NDUFA9: variants seen among roughly 807,000 people sequenced by gnomAD.
NDUFA9 encodes NADH:ubiquinone oxidoreductase subunit A9, also known as NADH dehydrogenase [ubiquinone] 1 alpha subcomplex subunit 9, mitochondrial.
In NDUFA9, 23 loss-of-function variants were observed where a neutral mutation model predicts 45.9. The observed-to-expected ratio is 0.50, with a 90% CI of 0.36 to 0.71. The LOEUF (loss-of-function observed/expected upper bound fraction) is 0.71. Among genes scored for constraint, NDUFA9 ranks in the 30% least tolerant of loss-of-function variants. NDUFA9 has a pLI of 0.00. For synonymous variants in NDUFA9, 176 were observed against 170.5 expected, an observed-to-expected ratio of 1.03 and a Z score of -0.25; for missense variants, 466 against 488.2, an observed-to-expected ratio of 0.95 and a Z score of 0.43.
At chr12:4,662,808 C>A (rs1945831239) in intron 6 of NDUFA9, among the ~76,000 whole-genome samples, 173 bp downstream of exon 6, 1 of 152,118 alleles carries the variant, frequency 6.6e-6, no homozygotes, top group Middle Eastern at 3.2e-3. Context: ...TTGTTATATT[C>A]CATATCAAAA....
At chr12:4,682,978 C>G (rs1240342108) in intron 9 of NDUFA9, among the ~76,000 whole-genome samples, 1 of 152,032 alleles carries the variant, frequency 6.6e-6, no homozygotes, top group African/African-American at 2.4e-5. Flanking sequence ...TGGGGTGATG[C>G]AAGAGAATTG....
intron 8 of NDUFA9, among the ~76,000 whole-genome samples, chr12:4,676,113 A>G (rs11524031): frequency 6.6e-6 from 1 of 152,228 alleles, no homozygotes; most frequent in African/African-American, 2.4e-5. Flanking sequence ...AGAACCCTCA[A>G]TAAACTAGGT....
In NDUFA9 at chr12:4,687,158, G is replaced by A. The variant is rs1444412702; in HGVS notation, c.*50G>A. 3 of 1,581,358 alleles carry A rather than the reference G, an allele frequency of 1.9e-6. No homozygotes were observed. Among genetic ancestry groups the A allele is most frequent in the Non-Finnish European group, 2.6e-6 (3 of 1,158,430 alleles). On this transcript the variant is annotated 3_prime_UTR_variant, in exon 11 of 11. Coordinates refer to ENST00000266544, the MANE Select transcript of NDUFA9 (RefSeq NM_005002.5). Reference sequence around the variant, plus strand: ...TGGCGTCTTTTGGGTCGGCCCATGTGGTTTGAGCACCCAGCCAGGCGGTCT... The same window carrying A: ...TGGCGTCTTTTGGGTCGGCCCATGTAGTTTGAGCACCCAGCCAGGCGGTCT...
rs1345674214 is a variant in NDUFA9, at chr12:4,692,695, C to CT, written c.*5588dup. The CT allele has an allele frequency of 6.6e-6, 1 of 152,188 alleles. No individual in the cohort carries two copies. The highest frequency in any genetic ancestry group is 1.5e-5 in the Non-Finnish European group (1 of 68,118). 9.4% of individuals were successfully genotyped at this position (152,188 alleles called of 1,614,324 possible). A position where few individuals can be genotyped will look rare whatever the true frequency, so the allele number is the denominator to read the frequency against. On this transcript the variant is annotated 3_prime_UTR_variant, in exon 11 of 11. Coordinates refer to ENST00000266544, the MANE Select transcript of NDUFA9 (RefSeq NM_005002.5). ...AGAGGGAGGGTATAACTTGTGGTGC[C>CT]TAGCCCTAGAGGGAATGGAAGGGCC... is the stretch of plus-strand genomic sequence containing the variant.
At position 4,685,317 on chromosome 12, in the gene NDUFA9, G is replaced by A; in HGVS notation, c.955G>A (p.Val319Met). Residue 319 changes from valine to methionine, a missense_variant, in exon 10 of 11, where the codon GTG (valine) becomes ATG (methionine). Val to Met is a conservative substitution (Grantham distance 21). Transcript: ENST00000266544. Reference protein sequence around the residue: ...PFEPWITRDKVERMHITDMKL... With the variant: ...PFEPWITRDKMERMHITDMKL... ...TGAGCCCTGGATAACAAGGGATAAA[G>A]TGGAGCGGGTGAGTACATGTGTGGA... 1 of 1,613,694 alleles carries A rather than the reference G, an allele frequency of 6.2e-7. No homozygotes were observed. The highest frequency in any genetic ancestry group is 8.5e-7 in the Non-Finnish European group (1 of 1,179,572).
intron 6 of NDUFA9, among the ~76,000 whole-genome samples, chr12:4,665,294 C>G (rs1565567706): frequency 6.6e-6 from 1 of 152,162 alleles, no homozygotes; most frequent in African/African-American, 2.4e-5. Context: ...CTTTTGGTTT[C>G]TATGAATTTG....
intron 2 of NDUFA9, 61 bp downstream of exon 2, chr12:4,654,523 A>G: frequency 1.3e-6 from 2 of 1,529,460 alleles, no homozygotes; most frequent in Non-Finnish European, 1.8e-6. Flanking sequence ...GCCTGATGAG[A>G]AGCATGAGCT....
In NDUFA9 at chr12:4,689,159, C is replaced by T. The variant is rs1946004838; in HGVS notation, c.*2051C>T. On this transcript the variant is annotated 3_prime_UTR_variant, in exon 11 of 11. Transcript: ENST00000266544. Reference sequence around the variant, plus strand: ...GAAATGTACAGTAGATTAGTATTAACTCTAGTTACCCTACTGATCTATTGA... The same window carrying T: ...GAAATGTACAGTAGATTAGTATTAATTCTAGTTACCCTACTGATCTATTGA... The T allele has an allele frequency of 6.6e-6, 1 of 152,200 alleles. No individual in the cohort carries two copies. The highest frequency in any genetic ancestry group is 1.5e-5 in the Non-Finnish European group (1 of 68,050). The allele number at this position is 152,200 out of a possible 1,614,324, so 9.4% of individuals were successfully genotyped here. A position where few individuals can be genotyped will look rare whatever the true frequency, so the allele number is the denominator to read the frequency against.
chr12:4,691,069 G>C lies in NDUFA9; in HGVS notation c.*3961G>C, dbSNP rs1230629777. The C allele has an allele frequency of 6.6e-6, 1 of 152,152 alleles. No individual in the cohort carries two copies. Among genetic ancestry groups the C allele is most frequent in the Non-Finnish European group, 1.5e-5 (1 of 68,020 alleles). 9.4% of individuals were successfully genotyped at this position (152,152 alleles called of 1,614,324 possible). ...AGCAGTTGAGTTCCATACAGATTTG[G>C]CTTCGAATATGAGTTCCACTACTTC... On this transcript the variant is annotated 3_prime_UTR_variant, in exon 11 of 11. Coordinates refer to ENST00000266544, the MANE Select transcript of NDUFA9 (RefSeq NM_005002.5).
intron 9 of NDUFA9, 51 bp from the exon 10 acceptor site, chr12:4,685,208 C>T (rs765680265): frequency 1.4e-5 from 21 of 1,492,106 alleles, no homozygotes; most frequent in Middle Eastern, 1.7e-4. Flanking sequence ...TAGCTTACAT[C>T]TTGGGCAGAG....
chr12:4,687,848 T>C lies in NDUFA9; in HGVS notation c.*740T>C, dbSNP rs1945997039. 1 of 152,222 alleles carries C rather than the reference T, an allele frequency of 6.6e-6. No homozygotes were observed. Among genetic ancestry groups the C allele is most frequent in the Non-Finnish European group, 1.5e-5 (1 of 68,048 alleles). 9.4% of individuals were successfully genotyped at this position (152,222 alleles called of 1,614,324 possible). A position where few individuals can be genotyped will look rare whatever the true frequency, so the allele number is the denominator to read the frequency against. On this transcript the variant is annotated 3_prime_UTR_variant, in exon 11 of 11. Transcript: ENST00000266544. ...ACCCAGATGAACATTTGGTTTAGTG[T>C]TGGCAAATCCCACCAGTACAGTGTG...
In NDUFA9 at chr12:4,687,101, A is replaced by G. The variant is rs1191517131; in HGVS notation, c.1127A>G (p.Asn376Ser). 1.9e-6 allele frequency: 3 copies of G among 1,614,058 alleles called. No homozygotes were observed. The highest frequency in any genetic ancestry group is 1.7e-5 in the Admixed American group (1 of 60,006). ...IEDVKPAKTV[N>S]I Reference sequence around the variant, plus strand: ...GATGTGAAGCCGGCCAAGACCGTCAACATTTAGTGCCTCCTGAGCAGCTCT... The same window carrying G: ...GATGTGAAGCCGGCCAAGACCGTCAGCATTTAGTGCCTCCTGAGCAGCTCT... The change falls in exon 11 of 11, where the codon AAC (asparagine) becomes AGC (serine). Residue 376 changes from asparagine (N) to serine (S), a missense_variant. Coordinates refer to ENST00000266544, the MANE Select transcript of NDUFA9 (RefSeq NM_005002.5).
chr12:4,670,429 T>A (rs1945879438), intron 8 of NDUFA9, among the ~76,000 whole-genome samples: 1 of 152,174 alleles, frequency 6.6e-6, no homozygotes, highest in South Asian at 2.1e-4. Context: ...GGTATCAAAT[T>A]CACCTGGTAA....
chr12:4,683,057 G>C (rs1465438112), intron 9 of NDUFA9, among the ~76,000 whole-genome samples: 2 of 151,946 alleles, frequency 1.3e-5, no homozygotes, highest in Non-Finnish European at 2.9e-5. Flanking sequence ...CTAGGTGACT[G>C]CTACTGCGCA....
chr12:4,684,967 CTGTT>C lies in NDUFA9; in HGVS notation c.897-289_897-286del, dbSNP rs370909697. 1.1e-4 allele frequency: 65 copies of C among 592,852 alleles called. No individual in the cohort carries two copies. In the African/African-American group the frequency reaches 1.2e-3, roughly 11 times the overall value. The allele number at this position is 592,852 out of a possible 1,614,324, so 36.7% of individuals were successfully genotyped here. A position where few individuals can be genotyped will look rare whatever the true frequency, so the allele number is the denominator to read the frequency against. ...GACTTGATTAAATACTGGAGTTTTT[CTGTT>C]TGCTTTGTTGTTTGTTGGTTTTATT... On this transcript the variant is annotated intron_variant, in intron 9 of 10. Transcript: ENST00000266544.
At chr12:4,668,677 A>G (rs923680023) in intron 7 of NDUFA9, 153 bp downstream of exon 7, 2 of 673,274 alleles carry the variant, frequency 3.0e-6, no homozygotes, top group Non-Finnish European at 5.2e-6. Context: ...TAAGAGGTAC[A>G]TGCCTTCTCT....
rs962263885 is a variant in NDUFA9 at position 4,693,225 on chromosome 12, T to G, written c.*6117T>G. 1 of 152,188 alleles carries G rather than the reference T, an allele frequency of 6.6e-6. No individual in the cohort carries two copies. Among genetic ancestry groups the G allele is most frequent in the Admixed American group, 6.5e-5 (1 of 15,276 alleles). The allele number at this position is 152,188 out of a possible 1,614,324, so 9.4% of individuals were successfully genotyped here. On this transcript the variant is annotated 3_prime_UTR_variant, in exon 11 of 11. Transcript: ENST00000266544. ...GACATCTGTTGAATAAATGAATGAA[T>G]GAGGTGGGAAGTCTTTCTTTACACT...
intron 5 of NDUFA9, among the ~76,000 whole-genome samples, chr12:4,660,763 G>A (rs1285687920): frequency 1.1e-4 from 17 of 152,170 alleles, no homozygotes; most frequent in Admixed American, 1.1e-3. Flanking sequence ...GAGAAGTCAA[G>A]CAAATGTTAA....
chr12:4,686,217 CAG>C (rs1343258852), intron 10 of NDUFA9, among the ~76,000 whole-genome samples: 2 of 152,186 alleles, frequency 1.3e-5, no homozygotes, highest in African/African-American at 4.8e-5. Context: ...AAAAGAATTG[CAG>C]ACTTTCAGGT....
Sources: allele counts gnomAD v4.1 joint callset (sites outside exome capture counted in the v4.1 genomes callset), GRCh38; gene constraint gnomAD v4.1.1; transcripts MANE v1.5; gene names NCBI Gene and HGNC (gene_info 2026-07-23, HGNC 2026-07-21).